RTKN: variants seen among roughly 807,000 people sequenced by gnomAD.
The protein encoded by RTKN is rhotekin.
Under a neutral mutation model 63.5 loss-of-function variants are expected in RTKN, and 49 were observed. That is an observed-to-expected ratio of 0.77 (90% CI 0.61 to 0.98). RTKN has a LOEUF of 0.98. RTKN is among the 50% of genes least tolerant of loss of function. The pLI is 0.00. For synonymous variants in RTKN, 295 were observed against 290.4 expected (o/e 1.02, Z -0.16); for missense variants, 685 against 740.8 (o/e 0.92, Z 0.87).
intron 1 of RTKN, among the ~76,000 whole-genome samples, chr2:74,437,944 GCA>G (rs974204074): frequency 1.3e-5 from 2 of 152,170 alleles, no homozygotes; most frequent in African/African-American, 4.8e-5. Context: ...GACACAACCT[GCA>G]CAGTTTATGC....
chr2:74,439,693 C>T (rs1671246607), intron 1 of RTKN: 2 of 1,597,074 alleles, frequency 1.3e-6, no homozygotes, highest in Non-Finnish European at 8.5e-7. Context: ...CCACACTGTC[C>T]CACAGTTCCT....
chr2:74,432,287 A>G (rs1469309692), intron 2 of RTKN, 180 bp downstream of exon 2: 1 of 729,450 alleles, frequency 1.4e-6, no homozygotes, highest in Non-Finnish European at 2.5e-6. Flanking sequence ...GCTACTCACA[A>G]ATGCGCCTCT....
At chr2:74,431,072 T>C (rs980446827) in intron 2 of RTKN, 4 of 186,786 alleles carry the variant, frequency 2.1e-5, no homozygotes, top group African/African-American at 7.0e-5. Context: ...TTTATTTTTT[T>C]TTTTTTTAAC....
At chr2:74,433,593 C>T (rs1041600471) in intron 1 of RTKN, among the ~76,000 whole-genome samples, 1 of 151,866 alleles carries the variant, frequency 6.6e-6, no homozygotes, top group Non-Finnish European at 1.5e-5. Flanking sequence ...GGGTTCATGC[C>T]ATTCTCCTGC....
chr2:74,428,494 G>A (rs1327995699), intron 8 of RTKN, 98 bp from the exon 9 acceptor site: 3 of 1,596,730 alleles, frequency 1.9e-6, no homozygotes, highest in Non-Finnish European at 2.6e-6. Context: ...CCACCCTGCT[G>A]TCCATTCCTC....
At chr2:74,434,266 G>A (rs1036357725) in intron 1 of RTKN, among the ~76,000 whole-genome samples, 16 of 149,488 alleles carry the variant, frequency 1.1e-4, no homozygotes, top group African/African-American at 3.7e-4. Context: ...CCACGCCCGA[G>A]TAAGTTTTGT....
At chr2:74,439,426 T>A in intron 1 of RTKN, 2 of 1,026,894 alleles carry the variant, frequency 1.9e-6, no homozygotes, top group Non-Finnish European at 3.0e-6. Flanking sequence ...GGGAACCACC[T>A]GTCCCTCTTC....
chr2:74,432,453 T>TC lies in RTKN; in HGVS notation c.311+13dup, dbSNP rs767301146. On this transcript the variant is annotated intron_variant, in intron 2 of 11. Coordinates refer to ENST00000272430, the MANE Select transcript of RTKN (RefSeq NM_001015055.2). Reference sequence around the variant, plus strand: ...CTCCTGCCTCCATCGAGGCCTCGTCTCCCCCTTGCTCACCGCCGGCTTGTC... The same window carrying TC: ...CTCCTGCCTCCATCGAGGCCTCGTCTCCCCCCTTGCTCACCGCCGGCTTGTC... 6.2e-7 allele frequency: 1 copy of TC among 1,604,894 alleles called. No individual in the cohort carries two copies. The highest frequency in any genetic ancestry group is 1.3e-5 in the African/African-American group (1 of 74,824).
At chr2:74,432,366 T>C (rs763183385) in intron 2 of RTKN, 101 bp downstream of exon 2, 4 of 1,132,230 alleles carry the variant, frequency 3.5e-6, no homozygotes, top group Non-Finnish European at 5.3e-6. Flanking sequence ...CATGGGGAAG[T>C]CATCTTTAAG....
At chr2:74,434,153 A>G (rs1670924776) in intron 1 of RTKN, among the ~76,000 whole-genome samples, 1 of 151,882 alleles carries the variant, frequency 6.6e-6, no homozygotes, top group Non-Finnish European at 1.5e-5. Flanking sequence ...CCCAAGCTGG[A>G]GTACAGTGGC....
chr2:74,432,404 C>T, intron 2 of RTKN, 63 bp downstream of exon 2: 1 of 1,472,606 alleles, frequency 6.8e-7, no homozygotes, highest in Non-Finnish European at 9.4e-7. Flanking sequence ...CACGCACATG[C>T]TGCACCACCA....
At chr2:74,432,922 G>A (rs1427293099) in intron 1 of RTKN, among the ~76,000 whole-genome samples, 1 of 151,996 alleles carries the variant, frequency 6.6e-6, no homozygotes, top group African/African-American at 2.4e-5. Flanking sequence ...GGCCAGCCTG[G>A]GCAACATAGT....
intron 1 of RTKN, chr2:74,440,573 C>T (rs1003030186): frequency 2.0e-6 from 2 of 985,642 alleles, no homozygotes; most frequent in Admixed American, 6.1e-5. Flanking sequence ...CCAGCTCCTC[C>T]GAGCTGTCCC....
chr2:74,429,704 T>G, intron 6 of RTKN, 124 bp downstream of exon 6: 3 of 940,704 alleles, frequency 3.2e-6, no homozygotes, highest in Non-Finnish European at 4.9e-6. Context: ...CCACTGCTCA[T>G]TCATATCTGT....
chr2:74,437,103 T>A (rs1671108279), intron 1 of RTKN, among the ~76,000 whole-genome samples: 1 of 152,048 alleles, frequency 6.6e-6, no homozygotes, highest in Admixed American at 6.6e-5. Flanking sequence ...CCCTTCAGAA[T>A]CTCCACCAGG....
intron 1 of RTKN, chr2:74,440,105 G>A (rs1318505936): frequency 9.5e-6 from 6 of 631,286 alleles, no homozygotes; most frequent in Middle Eastern, 8.0e-4. Flanking sequence ...ACTGGAAGGG[G>A]GCAGGGAAAC....
chr2:74,439,885 G>A (rs1278908151), intron 1 of RTKN: 3 of 1,305,422 alleles, frequency 2.3e-6, no homozygotes, highest in African/African-American at 3.0e-5. Context: ...AGCGAAGTGA[G>A]GATAAGTGGG....
At chr2:74,439,912 C>T (rs1572904242) in intron 1 of RTKN, 1 of 1,245,624 alleles carries the variant, frequency 8.0e-7, no homozygotes, top group East Asian at 3.6e-5. Context: ...GGAGGAAAGG[C>T]CAGCTGCAGA....
At chr2:74,438,417 A>G (rs1671171444) in intron 1 of RTKN, among the ~76,000 whole-genome samples, 1 of 151,992 alleles carries the variant, frequency 6.6e-6, no homozygotes, top group Admixed American at 6.6e-5. Flanking sequence ...CCTGGTGGAC[A>G]TTTGCGAACT....
Sources: allele counts gnomAD v4.1 joint callset (sites outside exome capture counted in the v4.1 genomes callset), GRCh38; gene constraint gnomAD v4.1.1; transcripts MANE v1.5; gene names NCBI Gene and HGNC (gene_info 2026-07-23, HGNC 2026-07-21).